The following CMIP variants were observed in gnomAD, a reference collection of about 807,000 sequenced individuals.
The protein encoded by CMIP is C-Maf-inducing protein.
CMIP carries 13 observed loss-of-function variants against 97.3 expected under a neutral mutation model. That is an observed-to-expected ratio of 0.13 (90% confidence interval 0.09 to 0.21). The LOEUF (loss-of-function observed/expected upper bound fraction) is 0.21, where lower values mean the gene tolerates loss of function less well. CMIP is among the 10% of genes least tolerant of loss of function. CMIP has a pLI of 1.00. For missense variants in CMIP, 847 were observed against 1,024.9 expected (o/e 0.83, Z 2.37); for synonymous variants, 538 against 436.3 (o/e 1.23, Z -2.91).
chr16:81,606,528 T>C (rs2091746812), intron 1 of CMIP, among the ~76,000 whole-genome samples: 1 of 152,054 alleles, frequency 6.6e-6, no homozygotes, highest in African/African-American at 2.4e-5. Flanking sequence ...CAGAGAGTGG[T>C]GGGTGGCTGT....
intron 1 of CMIP, among the ~76,000 whole-genome samples, chr16:81,520,952 T>C (rs969341932): frequency 2.6e-5 from 4 of 152,140 alleles, no homozygotes; most frequent in Non-Finnish European, 5.9e-5. Context: ...CTCCCTGGGT[T>C]TCGCATCCTC....
At position 81,546,897 on chromosome 16, in the gene CMIP, C is replaced by A. The variant is rs571773416; in HGVS notation, c.301-60670C>A. ...CACACTTCAGTGCTCCGTAGCCACG[C>A]GTGGCGAACAGCTCTTGTACTGGAG... On this transcript the variant is annotated intron_variant, in intron 1 of 20. Coordinates refer to ENST00000537098, the MANE Select transcript of CMIP (RefSeq NM_198390.3). 2.0e-5 allele frequency among the ~76,000 whole-genome samples: 3 copies of A among 152,200 alleles called. No homozygotes were observed. In the South Asian group the frequency reaches 6.2e-4, roughly 32 times the overall value.
At chr16:81,589,839 G>T (rs968165031) in intron 1 of CMIP, among the ~76,000 whole-genome samples, 1 of 152,218 alleles carries the variant, frequency 6.6e-6, no homozygotes, top group Non-Finnish European at 1.5e-5. Flanking sequence ...AACTTAAGGC[G>T]CTGAATGAAT....
At chr16:81,657,079 A>T (rs1284826326) in intron 4 of CMIP, among the ~76,000 whole-genome samples, 1 of 152,166 alleles carries the variant, frequency 6.6e-6, no homozygotes, top group Non-Finnish European at 1.5e-5. Context: ...TCCAAAACAC[A>T]TGTTCCCAAG....
At chr16:81,702,708 G>C in intron 17 of CMIP, 39 bp downstream of exon 17, 1 of 1,593,192 alleles carries the variant, frequency 6.3e-7, no homozygotes, top group South Asian at 1.1e-5. Flanking sequence ...GGATGGAGAA[G>C]GTGGGTTGGT....
rs544128112 is a variant in CMIP at position 81,494,347 on chromosome 16, C to T, written c.300+48806C>T. Among the ~76,000 whole-genome samples the T allele has an allele frequency of 1.3e-3, 194 of 152,302 alleles. 2 individuals carry two copies. The highest frequency in any genetic ancestry group is 4.3e-3 in the African/African-American group (179 of 41,562). On this transcript the variant is annotated intron_variant, in intron 1 of 20. Transcript: ENST00000537098. Reference sequence around the variant, plus strand: ...GCATGTGCTGGGAATGGAGCAGATGCGGGGCTGAAGCTTTCCCCAGAACTG... The same window carrying T: ...GCATGTGCTGGGAATGGAGCAGATGTGGGGCTGAAGCTTTCCCCAGAACTG...
intron 1 of CMIP, among the ~76,000 whole-genome samples, chr16:81,515,106 G>T (rs1427229811): frequency 6.6e-6 from 1 of 152,238 alleles, no homozygotes; most frequent in African/African-American, 2.4e-5. Context: ...GGAGTGCCCT[G>T]TCCCAAAGCT....
At chr16:81,578,315 A>G (rs2091237157) in intron 1 of CMIP, among the ~76,000 whole-genome samples, 1 of 152,266 alleles carries the variant, frequency 6.6e-6, no homozygotes, top group South Asian at 2.1e-4. Flanking sequence ...AGTGAGAGAC[A>G]CTGCATATAA....
chr16:81,452,135 C>T (rs527728066), intron 1 of CMIP, among the ~76,000 whole-genome samples: 3 of 152,188 alleles, frequency 2.0e-5, no homozygotes, highest in Admixed American at 6.5e-5. Flanking sequence ...GCACAGCGCT[C>T]GTCCTGGCAT....
intron 1 of CMIP, among the ~76,000 whole-genome samples, chr16:81,596,144 C>T (rs554793645): frequency 6.6e-6 from 1 of 152,072 alleles, no homozygotes; most frequent in African/African-American, 2.4e-5. Context: ...TCAGAGATAC[C>T]AAGCGACTTG....
intron 9 of CMIP, among the ~76,000 whole-genome samples, chr16:81,674,099 C>T (rs1451766407): frequency 5.3e-5 from 8 of 152,144 alleles, no homozygotes; most frequent in Admixed American, 5.2e-4. Context: ...TTTTAATGCC[C>T]TCAGCCTCAG....
chr16:81,613,128 C>G (rs985891917), intron 2 of CMIP, among the ~76,000 whole-genome samples: 6 of 152,202 alleles, frequency 3.9e-5, no homozygotes, highest in Non-Finnish European at 7.3e-5. Context: ...AGTTTACAGT[C>G]CGGCCTTGTC....
At chr16:81,504,619 G>A (rs1169533080) in intron 1 of CMIP, among the ~76,000 whole-genome samples, 8 of 138,604 alleles carry the variant, frequency 5.8e-5, no homozygotes, top group Admixed American at 4.0e-4. Context: ...CTCCAGCCTC[G>A]GCGACAGAGT....
At chr16:81,487,170 G>C (rs200452149) in intron 1 of CMIP, among the ~76,000 whole-genome samples, 27,242 of 151,974 alleles carry the variant, frequency 0.18, 2,558 homozygotes, top group Admixed American at 0.23. Flanking sequence ...AGTGAACCGG[G>C]GGGGGTGTGG....
At chr16:81,495,549 C>T (rs2089474753) in intron 1 of CMIP, 6 of 1,586,772 alleles carry the variant, frequency 3.8e-6, no homozygotes, top group Non-Finnish European at 5.2e-6. Flanking sequence ...TGCCTAAAAC[C>T]TCGCCTGCTG....
At chr16:81,642,227 A>G (rs1390898304) in intron 3 of CMIP, among the ~76,000 whole-genome samples, 2 of 152,138 alleles carry the variant, frequency 1.3e-5, no homozygotes, top group African/African-American at 4.8e-5. Context: ...GTTTGGTTAG[A>G]ATGTTCTGTG....
intron 1 of CMIP, among the ~76,000 whole-genome samples, chr16:81,521,383 C>T (rs898670804): frequency 7.9e-5 from 12 of 152,208 alleles, no homozygotes; most frequent in Non-Finnish European, 1.6e-4. Flanking sequence ...TGCCACCCCC[C>T]CCCGAATAGC....
chr16:81,478,806 G>A (rs747191649), intron 1 of CMIP, among the ~76,000 whole-genome samples: 3 of 152,216 alleles, frequency 2.0e-5, no homozygotes, highest in South Asian at 4.1e-4. Context: ...AGGGGAGCAG[G>A]AGACCCAGGG....
At chr16:81,528,057 T>C (rs2090165783) in intron 1 of CMIP, among the ~76,000 whole-genome samples, 1 of 152,204 alleles carries the variant, frequency 6.6e-6, no homozygotes, top group African/African-American at 2.4e-5. Context: ...TATGGGTGAT[T>C]TCTGGTTGCT....
Sources: gnomAD v4.1 joint callset for allele counts (sites outside exome capture counted in the v4.1 genomes callset) on GRCh38, gnomAD v4.1.1 for gene constraint, MANE v1.5 for transcripts, NCBI Gene and HGNC (gene_info 2026-07-23, HGNC 2026-07-21) for gene names.